The following FKBP9 variants were observed in gnomAD, a reference collection of about 807,000 sequenced individuals.
The protein encoded by FKBP9 is FKBP prolyl isomerase 9, also known as peptidyl-prolyl cis-trans isomerase FKBP9.
Under a neutral mutation model 55.6 loss-of-function variants are expected in FKBP9, and 27 were observed. The observed-to-expected ratio is 0.49, with a 90% CI of 0.36 to 0.67. FKBP9 has a LOEUF of 0.67. FKBP9 is among the 30% of genes least tolerant of loss of function. The probability of loss-of-function intolerance (pLI) is 0.00; values close to 1 mark genes in which losing one functional copy is unlikely to be tolerated. For missense variants in FKBP9, 539 were observed against 742.8 expected, an observed-to-expected ratio of 0.73 and a Z score of 3.19; for synonymous variants, 267 against 296.5, an observed-to-expected ratio of 0.90 and a Z score of 1.02.
intron 9 of FKBP9, among the ~76,000 whole-genome samples, chr7:33,003,913 C>A (rs1222534018): frequency 6.6e-5 from 10 of 152,154 alleles, no homozygotes; most frequent in Non-Finnish European, 1.5e-4. Context: ...TCTCTCTCCA[C>A]TTCACACTCA....
At chr7:32,962,394 C>A (rs1784043825) in intron 1 of FKBP9, among the ~76,000 whole-genome samples, 1 of 152,154 alleles carries the variant, frequency 6.6e-6, no homozygotes, top group Non-Finnish European at 1.5e-5. Flanking sequence ...AACTCCTTCT[C>A]AAAAACTAAC....
In FKBP9 at chr7:32,996,349, C is replaced by T. The variant is rs368457899; in HGVS notation, c.1226C>T (p.Thr409Met). The change falls in exon 7 of 10, where the codon ACG (threonine) becomes ATG (methionine). Residue 409 changes from threonine (T) to methionine (M), a missense_variant and splice_region_variant. Around this residue, in one of 4 missense-constraint regions of FKBP9, gnomAD observed 172 missense variants for 205.3 expected, o/e 0.84. Transcript: ENST00000242209. ...SLLDGTLLDS[T>M]WNLGKTYNIV... ...CTGGATGGGACCCTGCTGGACTCCA[C>T]GTAAGGGCAACCAGAATGGTGTGGG... The T allele has an allele frequency of 8.1e-6, 13 of 1,609,864 alleles. No individual in the cohort carries two copies. The highest frequency in any genetic ancestry group is 6.7e-5 in the Admixed American group (4 of 59,770).
intron 1 of FKBP9, among the ~76,000 whole-genome samples, chr7:32,973,682 GTTTTTTTTTTT>G (rs745717239): frequency 6.2e-5 from 4 of 64,988 alleles, no homozygotes; most frequent in East Asian, 4.6e-4. Flanking sequence ...GTTTTTTGTT[GTTTTTTTTTTT>G]TTTTTTTTTT....
At chr7:32,977,870 C>CATGTGTGTATATATATAT (rs780985630) in intron 4 of FKBP9, among the ~76,000 whole-genome samples, 8 of 124,660 alleles carry the variant, frequency 6.4e-5, no homozygotes, top group African/African-American at 2.2e-4. Flanking sequence ...TATACATGCC[C>CATGTGTGTATATATATAT]ATATATATAT....
chr7:33,003,608 G>A (rs1784973136), intron 9 of FKBP9, among the ~76,000 whole-genome samples: 1 of 152,158 alleles, frequency 6.6e-6, no homozygotes, highest in Non-Finnish European at 1.5e-5. Flanking sequence ...GGTGGCCAAT[G>A]TCTTCCGTAT....
intron 5 of FKBP9, among the ~76,000 whole-genome samples, chr7:32,982,420 CA>C (rs1412543173): frequency 6.6e-6 from 1 of 152,148 alleles, no homozygotes; most frequent in African/African-American, 2.4e-5. Context: ...TACTAGGGAA[CA>C]AGGTGGTGTT....
intron 1 of FKBP9, among the ~76,000 whole-genome samples, chr7:32,968,195 C>G (rs1203623167): frequency 6.6e-6 from 1 of 152,184 alleles, no homozygotes; most frequent in African/African-American, 2.4e-5. Context: ...CTTTGCACCA[C>G]CACACATGGC....
intron 6 of FKBP9, among the ~76,000 whole-genome samples, chr7:32,989,876 G>A (rs530485902): frequency 1.9e-4 from 29 of 152,312 alleles, no homozygotes; most frequent in African/African-American, 6.5e-4. Flanking sequence ...GCAGTGGTAA[G>A]ATAAGCTCCT....
chr7:32,968,241 A>G (rs545101556), intron 1 of FKBP9, among the ~76,000 whole-genome samples: 1 of 152,328 alleles, frequency 6.6e-6, no homozygotes, highest in Admixed American at 6.5e-5. Context: ...GTGTTTCACC[A>G]GGTTGCCTAG....
At chr7:32,965,528 C>T (rs1347378082) in intron 1 of FKBP9, among the ~76,000 whole-genome samples, 1 of 151,850 alleles carries the variant, frequency 6.6e-6, no homozygotes, top group Non-Finnish European at 1.5e-5. Flanking sequence ...GGGCCAGGCA[C>T]GGTGGCTCAT....
intron 1 of FKBP9, among the ~76,000 whole-genome samples, chr7:32,971,599 G>C (rs556516362): frequency 1.3e-5 from 2 of 152,164 alleles, no homozygotes; most frequent in African/African-American, 2.4e-5. Context: ...TCCCACCTCA[G>C]TCTCCCAAGT....
chr7:32,976,251 G>A (rs1231184480), intron 3 of FKBP9, 103 bp from the exon 4 acceptor site: 3 of 1,339,496 alleles, frequency 2.2e-6, no homozygotes, highest in Admixed American at 3.4e-5. Context: ...ATGGGTATGG[G>A]ATCATCGTTT....
At chr7:33,002,536 C>T in intron 8 of FKBP9, 140 bp from the exon 9 acceptor site, 1 of 1,352,142 alleles carries the variant, frequency 7.4e-7, no homozygotes, top group Non-Finnish European at 1.0e-6. Flanking sequence ...GAGAAAGTGA[C>T]TAGCCTCTGC....
chr7:32,981,015 G>A (rs999759897), intron 5 of FKBP9, among the ~76,000 whole-genome samples: 1 of 148,458 alleles, frequency 6.7e-6, no homozygotes, highest in Non-Finnish European at 1.5e-5. Flanking sequence ...ACTCACCCTC[G>A]ACTCCCACCA....
rs113368273 is a variant in FKBP9, at chr7:32,985,147, G to A, written c.894-3360G>A. Among the ~76,000 whole-genome samples the A allele has an allele frequency of 4.6e-3, 693 of 151,154 alleles. 9 individuals are homozygous for A. The highest frequency in any genetic ancestry group is 8.3e-3 in the Non-Finnish European group (565 of 67,788). On this transcript the variant is annotated intron_variant, in intron 5 of 9. Coordinates refer to ENST00000242209, the MANE Select transcript of FKBP9 (RefSeq NM_007270.5). ...CACCTCCCCTCTTCATAGGGAACCAGTGTTACTAATTTCTTTTTCTTTCTT... is the reference window on the plus strand; with the variant it reads ...CACCTCCCCTCTTCATAGGGAACCAATGTTACTAATTTCTTTTTCTTTCTT...
At chr7:32,992,259 C>T (rs1185905516) in intron 6 of FKBP9, among the ~76,000 whole-genome samples, 7 of 149,496 alleles carry the variant, frequency 4.7e-5, no homozygotes, top group Non-Finnish European at 7.5e-5. Flanking sequence ...AACCCACCCC[C>T]GCAGAGGAAA....
At chr7:32,974,010 A>T (rs111276047) in intron 1 of FKBP9, among the ~76,000 whole-genome samples, 6,986 of 150,698 alleles carry the variant, frequency 0.046, 380 homozygotes, top group East Asian at 0.19. Flanking sequence ...TTTTTTTAAA[A>T]TTTTATTTTA....
intron 8 of FKBP9, among the ~76,000 whole-genome samples, chr7:33,001,513 G>A (rs534518042): frequency 2.9e-4 from 42 of 146,944 alleles, no homozygotes; most frequent in South Asian, 4.3e-4. Context: ...GCAGCCTGGC[G>A]ACAGGGCAAG....
At chr7:32,992,790 G>A (rs1354629272) in intron 6 of FKBP9, 5 of 225,352 alleles carry the variant, frequency 2.2e-5, no homozygotes, top group Non-Finnish European at 2.6e-5. Context: ...CCCTGCTCAC[G>A]GTGTTAGGGA....
Sources: gnomAD v4.1 joint callset for allele counts (sites outside exome capture counted in the v4.1 genomes callset) on GRCh38, gnomAD v4.1.1 for gene constraint, gnomAD v4.1.1 regional missense constraint, MANE v1.5 for transcripts, NCBI Gene and HGNC (gene_info 2026-07-23, HGNC 2026-07-21) for gene names.